The following TBC1D4 variants were observed in gnomAD, a reference collection of about 807,000 sequenced individuals.
The protein encoded by TBC1D4 is TBC (Tre-2, BUB2, CDC16) domain-containing protein.
In TBC1D4, 121 loss-of-function variants were observed where a neutral mutation model predicts 142.5. The ratio of observed to expected loss-of-function variants is 0.85; its 90% CI spans 0.73 to 0.99. The LOEUF is 0.99. TBC1D4 is among the 50% of genes least tolerant of loss of function. The pLI, the probability that TBC1D4 is intolerant of heterozygous loss-of-function variation, is 0.00. For missense variants in TBC1D4, 1,475 were observed against 1,606.6 expected, an observed-to-expected ratio of 0.92 and a Z score of 1.40; for synonymous variants, 630 against 628.2, an observed-to-expected ratio of 1.00 and a Z score of -0.04.
intron 7 of TBC1D4, among the ~76,000 whole-genome samples, chr13:75,339,516 C>G (rs1039787613): frequency 5.9e-5 from 9 of 152,190 alleles, no homozygotes; most frequent in African/African-American, 2.2e-4. Flanking sequence ...AACCTCAAAA[C>G]CAGCACCTAA....
intron 1 of TBC1D4, among the ~76,000 whole-genome samples, chr13:75,425,292 C>T (rs182294763): frequency 7.9e-4 from 121 of 152,208 alleles, no homozygotes; most frequent in African/African-American, 2.8e-3. Flanking sequence ...CAACGCCTCA[C>T]ACCTGTTGGA....
chr13:75,290,636 A>C (rs1292542020), intron 19 of TBC1D4, among the ~76,000 whole-genome samples: 4 of 152,196 alleles, frequency 2.6e-5, no homozygotes, highest in Non-Finnish European at 5.9e-5. Context: ...CAAACTATTT[A>C]TAGATATTTG....
intron 1 of TBC1D4, among the ~76,000 whole-genome samples, chr13:75,363,070 T>C (rs1464486045): frequency 6.6e-6 from 1 of 152,152 alleles, no homozygotes; most frequent in Non-Finnish European, 1.5e-5. Flanking sequence ...CACAATAAGA[T>C]ACCACTATAT....
At chr13:75,373,840 A>C (rs906707574) in intron 1 of TBC1D4, among the ~76,000 whole-genome samples, 1 of 152,126 alleles carries the variant, frequency 6.6e-6, no homozygotes, top group African/African-American at 2.4e-5. Flanking sequence ...TTGTTCATTA[A>C]ATATCAAACG....
In TBC1D4 at chr13:75,471,430, T is replaced by TA. The variant is rs1270729524; in HGVS notation, c.498+9839dup. On this transcript the variant is annotated intron_variant, in intron 1 of 20. Transcript: ENST00000377636. Reference sequence around the variant, plus strand: ...CACCACCACCTGTTTTCATATTGTTTAATACTGCTATTAGAAACTAGACAA... The same window carrying TA: ...CACCACCACCTGTTTTCATATTGTTTAAATACTGCTATTAGAAACTAGACAA... Among the ~76,000 whole-genome samples the TA allele has an allele frequency of 6.6e-5, 10 of 152,344 alleles. No homozygotes were observed. In the East Asian group the frequency reaches 1.7e-3, roughly 26 times the overall value.
intron 1 of TBC1D4, among the ~76,000 whole-genome samples, chr13:75,433,491 T>C (rs1886671340): frequency 6.6e-6 from 1 of 152,190 alleles, no homozygotes; most frequent in Admixed American, 6.5e-5. Context: ...AAATACAAGA[T>C]GCTTTTCCCT....
chr13:75,390,762 A>C (rs1317491537), intron 1 of TBC1D4, among the ~76,000 whole-genome samples: 2 of 151,284 alleles, frequency 1.3e-5, no homozygotes, highest in Non-Finnish European at 2.9e-5. Flanking sequence ...GAAAAACCTC[A>C]TCTTTCTCTT....
chr13:75,415,003 A>C (rs983681761), intron 1 of TBC1D4, among the ~76,000 whole-genome samples: 12 of 152,004 alleles, frequency 7.9e-5, no homozygotes, highest in African/African-American at 2.9e-4. Context: ...ACATGCCTGT[A>C]ATCCCAGCTA....
At position 75,285,928 on chromosome 13, in the gene TBC1D4, A is replaced by G. The variant is rs144182279; in HGVS notation, c.*864T>C. 106 of 152,754 alleles carry G rather than the reference A, an allele frequency of 6.9e-4. No homozygotes were observed. Among genetic ancestry groups the G allele is most frequent in the African/African-American group, 2.5e-3 (104 of 41,582 alleles). 9.5% of individuals were successfully genotyped at this position (152,754 alleles called of 1,614,324 possible). A position where few individuals can be genotyped will look rare whatever the true frequency, so the allele number is the denominator to read the frequency against. On this transcript the variant is annotated 3_prime_UTR_variant, in exon 21 of 21. Transcript: ENST00000377636. ...ATAAAGAGGAATTCATTCACAACTG[A>G]ATGAGTTATTCAAATAAAAAAAGCA...
At chr13:75,425,138 T>C (rs1886327691) in intron 1 of TBC1D4, among the ~76,000 whole-genome samples, 1 of 151,192 alleles carries the variant, frequency 6.6e-6, no homozygotes, top group Non-Finnish European at 1.5e-5. Context: ...TAAGGAACAA[T>C]TCAATAGTTT....
chr13:75,296,924 C>G (rs1875990498), intron 17 of TBC1D4, among the ~76,000 whole-genome samples: 1 of 152,104 alleles, frequency 6.6e-6, no homozygotes, highest in African/African-American at 2.4e-5. Context: ...ACCCAAGCCA[C>G]CAAGAGAGAA....
intron 1 of TBC1D4, among the ~76,000 whole-genome samples, chr13:75,381,485 G>C (rs1487709865): frequency 6.6e-6 from 1 of 152,180 alleles, no homozygotes; most frequent in African/African-American, 2.4e-5. Context: ...TGCTTAAAAA[G>C]AAACAGGGGC....
At chr13:75,416,660 C>A (rs1368096357) in intron 1 of TBC1D4, among the ~76,000 whole-genome samples, 2 of 152,196 alleles carry the variant, frequency 1.3e-5, no homozygotes, top group African/African-American at 4.8e-5. Flanking sequence ...CTTATGCCAG[C>A]CCTGGATTAA....
chr13:75,456,490 C>G (rs1314145126), intron 1 of TBC1D4, among the ~76,000 whole-genome samples: 2 of 151,088 alleles, frequency 1.3e-5, no homozygotes, highest in African/African-American at 2.4e-5. Flanking sequence ...GGCAAAAGAT[C>G]TGAACAAGCA....
intron 1 of TBC1D4, among the ~76,000 whole-genome samples, chr13:75,411,697 AT>A (rs111821777): frequency 0.036 from 5,245 of 147,634 alleles, 306 homozygotes; most frequent in African/African-American, 0.12. Flanking sequence ...CTAATTTTTT[AT>A]TTTTTTTTTT....
rs545736178 is a variant in TBC1D4, at chr13:75,386,731, T to TA, written c.499-24125dup. On this transcript the variant is annotated intron_variant, in intron 1 of 20. Transcript: ENST00000377636. ...ATAAAACCATAAAGACAAGTACAAA[T>TA]AAAAAAAACACTCATCCAGAGAATA... Among the ~76,000 whole-genome samples, 339 of 151,904 alleles carry TA rather than the reference T, an allele frequency of 2.2e-3. 1 individual carries two copies. The highest frequency in any genetic ancestry group is 7.7e-3 in the African/African-American group (319 of 41,438).
intron 20 of TBC1D4, 73 bp downstream of exon 20, chr13:75,288,861 T>C: frequency 1.3e-6 from 2 of 1,499,238 alleles, no homozygotes; most frequent in Non-Finnish European, 1.9e-6. Flanking sequence ...ACATATCCCT[T>C]TCATTCCTGA....
chr13:75,356,324 A>G (rs927354952), intron 3 of TBC1D4, 73 bp from the exon 4 acceptor site: 3 of 1,050,076 alleles, frequency 2.9e-6, no homozygotes, highest in Non-Finnish European at 4.4e-6. Context: ...ATGGAAAGCA[A>G]CATCAGTTCT....
chr13:75,306,842 G>C (rs1257421258), intron 14 of TBC1D4, among the ~76,000 whole-genome samples: 4 of 152,058 alleles, frequency 2.6e-5, no homozygotes, highest in African/African-American at 4.8e-5. Context: ...TGCTCATCTT[G>C]ATTTGAAAAA....
Sources: allele counts gnomAD v4.1 joint callset (sites outside exome capture counted in the v4.1 genomes callset), GRCh38; gene constraint gnomAD v4.1.1; transcripts MANE v1.5; gene names NCBI Gene and HGNC (gene_info 2026-07-23, HGNC 2026-07-21).